Variants in DUOXA1 observed in about 807,000 individuals in gnomAD.
The protein encoded by DUOXA1 is dual oxidase maturation factor 1.
Under a neutral mutation model 26.6 loss-of-function variants are expected in DUOXA1, and 19 were observed. That is an observed-to-expected ratio of 0.71 (90% confidence interval 0.50 to 1.05). The LOEUF is 1.05. DUOXA1 is among the 50% of genes least tolerant of loss of function. The pLI is 0.00. For missense variants in DUOXA1, 403 were observed against 427.5 expected (o/e 0.94, Z 0.51); for synonymous variants, 166 against 177.0 (o/e 0.94, Z 0.49).
chr15:45,117,727 C>T lies in DUOXA1; in HGVS notation c.*1379G>A, dbSNP rs767881956. The stretch of plus-strand genomic sequence containing the variant: ...CCCCACCGCCACAGGCGTCCTGTGC[C>T]TCTTCCTCGGAGGGGCCGTGGTGAG... On this transcript the variant is annotated 3_prime_UTR_variant, in exon 9 of 9. Transcript: ENST00000560572. 2.5e-6 allele frequency: 4 copies of T among 1,613,168 alleles called. No homozygotes were observed. The highest frequency in any genetic ancestry group is 2.2e-5 in the South Asian group (2 of 91,052).
In DUOXA1 at chr15:45,117,378, T is replaced by C; in HGVS notation, c.*1728A>G. The C allele has an allele frequency of 6.6e-7, 1 of 1,504,852 alleles. No individual in the cohort carries two copies. The highest frequency in any genetic ancestry group is 2.1e-5 in the Admixed American group (1 of 47,334). 93.2% of individuals were successfully genotyped at this position (1,504,852 alleles called of 1,614,324 possible). Reference sequence around the variant, plus strand: ...TTCACACCGGGTGTGCACTTTCCAGTTTACAGAATGAATTCACATCTATTA... The same window carrying C: ...TTCACACCGGGTGTGCACTTTCCAGCTTACAGAATGAATTCACATCTATTA... On this transcript the variant is annotated 3_prime_UTR_variant, in exon 9 of 9. Transcript: ENST00000560572.
In DUOXA1 at chr15:45,117,849, C is replaced by G; in HGVS notation, c.*1257G>C. ...GAGGGGGCTCACCTCTTATCCTCGG[C>G]GACCCACTGCACAAGCAGGCCGCTC... On this transcript the variant is annotated 3_prime_UTR_variant, in exon 9 of 9. Coordinates refer to ENST00000560572, the MANE Select transcript of DUOXA1 (RefSeq NM_001276266.2). 6.2e-7 allele frequency: 1 copy of G among 1,613,720 alleles called. No individual in the cohort carries two copies. The highest frequency in any genetic ancestry group is 8.5e-7 in the Non-Finnish European group (1 of 1,180,030).
intron 4 of DUOXA1, 42 bp downstream of exon 4, chr15:45,122,826 G>A: frequency 6.4e-7 from 1 of 1,570,272 alleles, no homozygotes; most frequent in Non-Finnish European, 8.6e-7. Flanking sequence ...GCCTGAGGCT[G>A]AGGTCTCTCT....
Position 45,118,307 on chromosome 15 carries a change from A to C in DUOXA1, c.*799T>G. On this transcript the variant is annotated 3_prime_UTR_variant, in exon 9 of 9. Transcript: ENST00000560572. ...AGCTAGCATCTTTCTGAACCACCCC[A>C]GGGGGACGTTAGGTGGCAGTGATGA... The C allele has an allele frequency of 7.9e-7, 1 of 1,262,356 alleles. No individual in the cohort carries two copies. The highest frequency in any genetic ancestry group is 1.0e-6 in the Non-Finnish European group (1 of 1,003,732). The allele number at this position is 1,262,356 out of a possible 1,614,324, so 78.2% of individuals were successfully genotyped here.
intron 3 of DUOXA1, 133 bp from the exon 4 acceptor site, chr15:45,123,176 ACT>A: frequency 1.2e-6 from 1 of 861,638 alleles, no homozygotes; most frequent in Non-Finnish European, 1.6e-6. Context: ...GCATCATCAG[ACT>A]CTGCTATTAC....
At chr15:45,121,286 G>A in intron 5 of DUOXA1, 65 bp from the exon 6 acceptor site, 2 of 1,609,624 alleles carry the variant, frequency 1.2e-6, no homozygotes, top group South Asian at 1.1e-5. Flanking sequence ...GTTAGAGTCA[G>A]AAGGAGAAAT....
At position 45,122,232 on chromosome 15, in the gene DUOXA1, C is replaced by A. The variant is rs1188489368; in HGVS notation, c.158G>T (p.Trp53Leu). The A allele has an allele frequency of 6.2e-7, 1 of 1,604,832 alleles. No individual in the cohort carries two copies. The highest frequency in any genetic ancestry group is 2.2e-5 in the East Asian group (1 of 44,714). ...TAAGCTGGTCACCACCCGAAGCAGC[C>A]AGAACAGCCTCTGAGTCACAAGGTA... ...PGIRGKTRLF[W>L]LLRVVTSLFI... The change falls in exon 5 of 9, where the codon TGG (tryptophan) becomes TTG (leucine). Residue 53 changes from tryptophan (W) to leucine (L), a missense_variant. By Grantham distance (61) the Trp-to-Leu change is moderately conservative. Transcript: ENST00000560572.
At position 45,121,124 on chromosome 15, in the gene DUOXA1, C is replaced by T. The variant is rs148670640; in HGVS notation, c.303G>A (p.Leu101=). 2,480 of 1,614,176 alleles carry T rather than the reference C, an allele frequency of 1.5e-3. 3 individuals carry two copies. Among genetic ancestry groups the T allele is most frequent in the Non-Finnish European group, 1.9e-3 (2,248 of 1,180,026 alleles). The part of the protein sequence containing the change: ...SSEWISADIG[L]QVGLGGVNIT... ...TGTTGACTCCACCCAGCCCGACCTGCAGCCCAATATCAGCGCTGATCCACT... is the reference window on the plus strand; with the variant it reads ...TGTTGACTCCACCCAGCCCGACCTGTAGCCCAATATCAGCGCTGATCCACT... The change falls in exon 6 of 9, where the codon CTG becomes CTA. Residue 101 remains leucine, a synonymous_variant. Coordinates refer to ENST00000560572, the MANE Select transcript of DUOXA1 (RefSeq NM_001276266.2).
At chr15:45,122,375 G>A in intron 4 of DUOXA1, 133 bp from the exon 5 acceptor site, 1 of 841,896 alleles carries the variant, frequency 1.2e-6, no homozygotes, top group South Asian at 1.5e-5. Flanking sequence ...AGAGTGTCTG[G>A]CACATAATAA....
chr15:45,117,923 T>C lies in DUOXA1; in HGVS notation c.*1183A>G. On this transcript the variant is annotated 3_prime_UTR_variant, in exon 9 of 9. Transcript: ENST00000560572. ...ACTAACCTGTGAGGGGGACCCAATC[T>C]GGACTCCTTCCCCGCCTTGGGACAT... The C allele has an allele frequency of 6.2e-7, 1 of 1,613,250 alleles. No homozygotes were observed. Among genetic ancestry groups the C allele is most frequent in the Non-Finnish European group, 8.5e-7 (1 of 1,180,024 alleles).
rs1895293038 is a variant in DUOXA1 at position 45,122,299 on chromosome 15, T to C, written c.148-57A>G. On this transcript the variant is annotated intron_variant, in intron 4 of 8. Transcript: ENST00000560572. The stretch of plus-strand genomic sequence containing the variant: ...AGTGCCTTCCTTCCACATCTACCCT[T>C]CCTGTTTCCAGACTTGGGGGAGGGG... The C allele has an allele frequency of 4.6e-6, 7 of 1,531,312 alleles. No individual in the cohort carries two copies. The Admixed American group carries it at 7.7e-5, about 17-fold the overall frequency. 94.9% of individuals were successfully genotyped at this position (1,531,312 alleles called of 1,614,324 possible). A position where few individuals can be genotyped will look rare whatever the true frequency, so the allele number is the denominator to read the frequency against.
Position 45,119,215 on chromosome 15 carries a change from C to T in DUOXA1, c.923G>A (p.Arg308Gln), listed in dbSNP as rs952072391. The change falls in exon 9 of 9, where the codon CGG becomes CAG. Residue 308 changes from arginine to glutamine, a missense_variant. Coordinates refer to ENST00000560572, the MANE Select transcript of DUOXA1 (RefSeq NM_001276266.2). ...EEGGLLSPRY[R>Q]SMADSPKSQD... ...GGACTTGGGACTGTCAGCCATGGAC[C>T]GGTAGCGGGGGCTCAGGAGTCCACC... The T allele has an allele frequency of 1.9e-5, 30 of 1,613,956 alleles. No homozygotes were observed. The highest frequency in any genetic ancestry group is 4.5e-5 in the East Asian group (2 of 44,894).
intron 3 of DUOXA1, among the ~76,000 whole-genome samples, chr15:45,128,061 G>A (rs759730188): frequency 6.6e-6 from 1 of 152,144 alleles, no homozygotes; most frequent in Non-Finnish European, 1.5e-5. Flanking sequence ...GGGAGGAGGA[G>A]GCAGCATCCT....
At chr15:45,124,541 G>T (rs1895514917) in intron 3 of DUOXA1, among the ~76,000 whole-genome samples, 1 of 152,020 alleles carries the variant, frequency 6.6e-6, no homozygotes, top group African/African-American at 2.4e-5. Context: ...ACAGAGTCTT[G>T]CTCTGTCACC....
intron 3 of DUOXA1, among the ~76,000 whole-genome samples, chr15:45,124,051 A>T (rs1419188755): frequency 6.6e-6 from 1 of 152,222 alleles, no homozygotes; most frequent in Non-Finnish European, 1.5e-5. Context: ...GTGAAAAAAA[A>T]AAAATGCATC....
chr15:45,126,736 G>A (rs1895708823), intron 3 of DUOXA1, among the ~76,000 whole-genome samples: 1 of 152,242 alleles, frequency 6.6e-6, no homozygotes, highest in Non-Finnish European at 1.5e-5. Context: ...GGTGGCTTCT[G>A]ATTTTGCACA....
chr15:45,120,881 G>T, intron 6 of DUOXA1, 76 bp from the exon 7 acceptor site: 1 of 1,538,472 alleles, frequency 6.5e-7, no homozygotes. Context: ...CACCCACACT[G>T]GGCAGAGGGA....
intron 7 of DUOXA1, 51 bp from the exon 8 acceptor site, chr15:45,120,371 G>T: frequency 6.2e-7 from 1 of 1,607,222 alleles, no homozygotes. Context: ...CTACCTGCTG[G>T]TGAATTTGGA....
At chr15:45,121,036 C>A in intron 6 of DUOXA1, 51 bp downstream of exon 6, 1 of 1,611,020 alleles carries the variant, frequency 6.2e-7, no homozygotes, top group Non-Finnish European at 8.5e-7. Context: ...AACATAGATC[C>A]CAAAGATGGC....
Sources: allele counts gnomAD v4.1 joint callset (sites outside exome capture counted in the v4.1 genomes callset), GRCh38; gene constraint gnomAD v4.1.1; transcripts MANE v1.5; gene names NCBI Gene and HGNC (gene_info 2026-07-23, HGNC 2026-07-21).